SPATS2: variants seen among roughly 807,000 people sequenced by gnomAD.
The protein encoded by SPATS2 is spermatogenesis associated serine rich 2, also known as spermatogenesis-associated serine-rich protein 2.
SPATS2 carries 38 observed loss-of-function variants against 63.7 expected under a neutral mutation model. The ratio of observed to expected loss-of-function variants is 0.60; its 90% confidence interval spans 0.46 to 0.78. SPATS2 has a LOEUF of 0.78. Ranked by LOEUF, SPATS2 falls within the 30% of genes least tolerant of loss-of-function variation. The pLI is 0.00. For missense variants in SPATS2, 588 were observed against 666.2 expected (o/e 0.88, Z 1.29); for synonymous variants, 207 against 232.9 (o/e 0.89, Z 1.01).
intron 4 of SPATS2, among the ~76,000 whole-genome samples, chr12:49,486,794 A>G (rs911812060): frequency 2.7e-5 from 4 of 150,884 alleles, no homozygotes; most frequent in Admixed American, 1.3e-4. Context: ...AAAAAAAAAG[A>G]AAAAAAAGAG....
chr12:49,462,850 C>A (rs1945845671), intron 3 of SPATS2: 1 of 228,042 alleles, frequency 4.4e-6, no homozygotes, highest in Non-Finnish European at 8.6e-6. Flanking sequence ...TCTCTGCCAG[C>A]TGAGTCTGGG....
At chr12:49,376,092 A>ATTTT (rs749954777) in intron 2 of SPATS2, among the ~76,000 whole-genome samples, 1 of 81,068 alleles carries the variant, frequency 1.2e-5, no homozygotes, top group African/African-American at 5.7e-5. Flanking sequence ...ACCTGGCCTG[A>ATTTT]TTTTTTTTTT....
At chr12:49,435,933 A>C in intron 2 of SPATS2, among the ~76,000 whole-genome samples, 1 of 150,378 alleles carries the variant, frequency 6.6e-6, no homozygotes, top group African/African-American at 2.5e-5. Flanking sequence ...GACACAGCAC[A>C]TGTTTCAGAG....
intron 3 of SPATS2, among the ~76,000 whole-genome samples, chr12:49,480,493 T>C (rs1051205235): frequency 1.3e-5 from 2 of 152,210 alleles, no homozygotes; most frequent in Non-Finnish European, 2.9e-5. Context: ...TTAATCAGTC[T>C]CTTGCACTAG....
chr12:49,460,952 A>G lies in SPATS2; in HGVS notation c.-61A>G, dbSNP rs2137676938. 3.7e-6 allele frequency: 6 copies of G among 1,604,732 alleles called. No individual in the cohort carries two copies. In the South Asian group the frequency reaches 6.7e-5, roughly 18 times the overall value. ...TTTAAATCAGAGATACCTACACTCA[A>G]AACCCAGACAAGGCAAAAGGATACT... is the stretch of plus-strand genomic sequence containing the variant. On this transcript the variant is annotated 5_prime_UTR_variant, in exon 3 of 14. Coordinates refer to ENST00000552918, the MANE Select transcript of SPATS2 (RefSeq NM_023071.4).
intron 2 of SPATS2, among the ~76,000 whole-genome samples, chr12:49,433,636 T>TTTG (rs137999795): frequency 1.8e-4 from 27 of 152,050 alleles, no homozygotes; most frequent in East Asian, 3.9e-4. Context: ...CAGTTGGGTT[T>TTTG]TTGTTGTTGT....
chr12:49,497,979 T>C (rs1284795037), intron 8 of SPATS2, among the ~76,000 whole-genome samples: 2 of 151,790 alleles, frequency 1.3e-5, no homozygotes, highest in African/African-American at 4.8e-5. Context: ...AAATGAAACA[T>C]AGAAATATAA....
chr12:49,488,365 T>C (rs553822045), intron 4 of SPATS2, among the ~76,000 whole-genome samples: 26 of 151,994 alleles, frequency 1.7e-4, no homozygotes, highest in African/African-American at 6.3e-4. Flanking sequence ...TCTCAAAAAA[T>C]ATGAAATACA....
intron 2 of SPATS2, among the ~76,000 whole-genome samples, chr12:49,389,334 A>G (rs568686309): frequency 1.3e-5 from 2 of 152,248 alleles, no homozygotes; most frequent in East Asian, 3.9e-4. Flanking sequence ...GCTAAACGCT[A>G]CTGGCTTCAC....
rs997818548 is a variant in SPATS2, at chr12:49,510,651, A to G, written c.840-3904A>G. Among the ~76,000 whole-genome samples, 5 of 152,034 alleles carry G rather than the reference A, an allele frequency of 3.3e-5. No individual in the cohort carries two copies. In the East Asian group the frequency reaches 7.7e-4, roughly 24 times the overall value. ...ACAGTATTATTGAATGGTTTTGACT[A>G]TTATCCCTTGAAATAATTGACCTGT... On this transcript the variant is annotated intron_variant, in intron 9 of 13. Coordinates refer to ENST00000552918, the MANE Select transcript of SPATS2 (RefSeq NM_023071.4).
intron 9 of SPATS2, among the ~76,000 whole-genome samples, chr12:49,504,021 C>A (rs552985661): frequency 3.0e-4 from 45 of 152,294 alleles, no homozygotes; most frequent in African/African-American, 8.7e-4. Context: ...AGTTTATAAA[C>A]CACCTTATTT....
At chr12:49,467,633 C>T (rs1009987476) in intron 3 of SPATS2, among the ~76,000 whole-genome samples, 1 of 152,168 alleles carries the variant, frequency 6.6e-6, no homozygotes, top group African/African-American at 2.4e-5. Context: ...GACTATATAT[C>T]AGAATCATCT....
chr12:49,486,764 G>C (rs1222655870), intron 4 of SPATS2, among the ~76,000 whole-genome samples: 6 of 148,808 alleles, frequency 4.0e-5, no homozygotes, highest in Non-Finnish European at 8.9e-5. Flanking sequence ...TTAGGCGACA[G>C]AGCGAGACTC....
In SPATS2 at chr12:49,462,190, A is replaced by T. The variant is rs374302453; in HGVS notation, c.25+1153A>T. On this transcript the variant is annotated intron_variant, in intron 3 of 13. Transcript: ENST00000552918. The stretch of plus-strand genomic sequence containing the variant: ...TGTTTTGCCAGAGCTGTAGAAAAAA[A>T]GTATCATTGTGAAGCAGGATATTTC... 400 of 627,460 alleles carry T rather than the reference A, an allele frequency of 6.4e-4. 1 individual carries two copies. The African/African-American group carries it at 6.5e-3, about 10-fold the overall frequency. The allele number at this position is 627,460 out of a possible 1,614,324, so 38.9% of individuals were successfully genotyped here. A position where few individuals can be genotyped will look rare whatever the true frequency, so the allele number is the denominator to read the frequency against.
Position 49,522,776 on chromosome 12 carries a change from A to T in SPATS2, c.1034A>T (p.Asp345Val). Residue 345 changes from aspartate to valine, a missense_variant, in exon 12 of 14, where the codon GAT (aspartate) becomes GTT (valine). Asp to Val is a radical substitution (Grantham distance 152). Transcript: ENST00000552918. ...CACTTTGTTAGTGAACGTAAATATGATGAGGATCTGGGACGAGTAGCCCGG... is the reference window on the plus strand; with the variant it reads ...CACTTTGTTAGTGAACGTAAATATGTTGAGGATCTGGGACGAGTAGCCCGG... ...IKHFVSERKY[D>V]EDLGRVARFT... 1 of 1,613,802 alleles carries T rather than the reference A, an allele frequency of 6.2e-7. No homozygotes were observed. Among genetic ancestry groups the T allele is most frequent in the Non-Finnish European group, 8.5e-7 (1 of 1,179,744 alleles).
At chr12:49,374,283 G>A (rs1944053974) in intron 2 of SPATS2, among the ~76,000 whole-genome samples, 1 of 152,016 alleles carries the variant, frequency 6.6e-6, no homozygotes, top group African/African-American at 2.4e-5. Context: ...CACACACCAT[G>A]GCAGTCAGCT....
At chr12:49,410,051 A>G (rs1187282878) in intron 2 of SPATS2, among the ~76,000 whole-genome samples, 1 of 151,908 alleles carries the variant, frequency 6.6e-6, no homozygotes, top group Non-Finnish European at 1.5e-5. Context: ...GGGCTGGAAG[A>G]AGTTTTGTTC....
At chr12:49,443,305 AG>A (rs968805838) in intron 2 of SPATS2, among the ~76,000 whole-genome samples, 17 of 152,186 alleles carry the variant, frequency 1.1e-4, no homozygotes, top group African/African-American at 3.9e-4. Context: ...GTGGATATTC[AG>A]TTATCCCAGC....
intron 2 of SPATS2, among the ~76,000 whole-genome samples, chr12:49,430,351 C>T (rs1174778176): frequency 6.6e-6 from 1 of 151,958 alleles, no homozygotes; most frequent in Non-Finnish European, 1.5e-5. Flanking sequence ...ATCCGCCGAC[C>T]TCGGCCTCCC....
Sources: allele counts gnomAD v4.1 joint callset (sites outside exome capture counted in the v4.1 genomes callset), GRCh38; gene constraint gnomAD v4.1.1; transcripts MANE v1.5; gene names NCBI Gene and HGNC (gene_info 2026-07-23, HGNC 2026-07-21).